The following TRAPPC3 variants were observed in gnomAD, a reference collection of about 807,000 sequenced individuals.
The protein encoded by TRAPPC3 is trafficking protein particle complex 3.
TRAPPC3 carries 5 observed loss-of-function variants against 18.2 expected under a neutral mutation model. The ratio of observed to expected loss-of-function variants is 0.28; its 90% CI spans 0.14 to 0.58. The LOEUF (loss-of-function observed/expected upper bound fraction) is 0.58, where lower values mean the gene tolerates loss of function less well. Among genes scored for constraint, TRAPPC3 ranks in the 20% least tolerant of loss-of-function variants. The pLI is 0.91. For missense variants in TRAPPC3, 176 were observed against 225.9 expected, an observed-to-expected ratio of 0.78 and a Z score of 1.41; for synonymous variants, 65 against 84.2, an observed-to-expected ratio of 0.77 and a Z score of 1.25.
At chr1:36,145,037 T>G (rs1162384203) in intron 1 of TRAPPC3, among the ~76,000 whole-genome samples, 1 of 152,070 alleles carries the variant, frequency 6.6e-6, no homozygotes, top group Admixed American at 6.6e-5. Context: ...TTCTTTTTTT[T>G]TTGAGACGGA....
intron 1 of TRAPPC3, among the ~76,000 whole-genome samples, chr1:36,155,269 C>A (rs1644308113): frequency 6.6e-6 from 1 of 152,232 alleles, no homozygotes; most frequent in South Asian, 2.1e-4. Context: ...CACTCTGCCC[C>A]GGGCTGGGCC....
chr1:36,138,621 A>G (rs181441450), intron 3 of TRAPPC3, among the ~76,000 whole-genome samples: 2 of 152,314 alleles, frequency 1.3e-5, no homozygotes, highest in Non-Finnish European at 2.9e-5. Flanking sequence ...GTAAACATTT[A>G]CTATATGCAC....
chr1:36,139,038 A>C (rs891450037), intron 3 of TRAPPC3, among the ~76,000 whole-genome samples: 7 of 151,180 alleles, frequency 4.6e-5, no homozygotes, highest in Non-Finnish European at 8.8e-5. Context: ...CTCCATCTCA[A>C]AAAAAAGAAA....
At position 36,140,113 on chromosome 1, in the gene TRAPPC3, C is replaced by T. The variant is rs945591638; in HGVS notation, c.96G>A (p.Lys32=). 1.9e-6 allele frequency: 3 copies of T among 1,605,056 alleles called. No homozygotes were observed. The Admixed American group carries it at 5.3e-5, about 28-fold the overall frequency. ...TYGALVTQLC[K]DYENDEDVNK... is the part of the protein sequence containing the mutation. ...TCACATCTTCATCATTTTCATAGTCCTTACATAGCTGGGTGACCAGGGCAC... is the reference window on the plus strand; with the variant it reads ...TCACATCTTCATCATTTTCATAGTCTTTACATAGCTGGGTGACCAGGGCAC... Residue 32 remains lysine (K), a synonymous_variant, in exon 2 of 5, where the codon AAG becomes AAA. Transcript: ENST00000373166.
intron 1 of TRAPPC3, 81 bp downstream of exon 1, chr1:36,149,256 G>C: frequency 6.3e-7 from 1 of 1,589,352 alleles, no homozygotes; most frequent in Admixed American, 1.8e-5. Flanking sequence ...TTTTCCAAAC[G>C]CACCTCGCGC....
At chr1:36,155,066 A>C (rs1375013387) in intron 1 of TRAPPC3, among the ~76,000 whole-genome samples, 1 of 152,212 alleles carries the variant, frequency 6.6e-6, no homozygotes, top group Non-Finnish European at 1.5e-5. Context: ...ACTGGAGGGA[A>C]GGGGGGCAAG....
chr1:36,138,898 T>C (rs913838031), intron 3 of TRAPPC3, among the ~76,000 whole-genome samples: 8 of 151,574 alleles, frequency 5.3e-5, no homozygotes, highest in Admixed American at 2.6e-4. Flanking sequence ...TAGCCGGGCA[T>C]GGTGGTGCAT....
At chr1:36,144,501 C>T (rs184022434) in intron 1 of TRAPPC3, among the ~76,000 whole-genome samples, 2 of 151,798 alleles carry the variant, frequency 1.3e-5, no homozygotes, top group African/African-American at 4.8e-5. Flanking sequence ...AAAAATAGAA[C>T]AAATTAGCTG....
chr1:36,153,564 A>G (rs572388958), upstream of TRAPPC3, among the ~76,000 whole-genome samples: 12 of 152,334 alleles, frequency 7.9e-5, no homozygotes, highest in African/African-American at 2.6e-4. Context: ...CCTCAACCTT[A>G]GCACTACTGA....
chr1:36,149,287 T>C (rs774211900), intron 1 of TRAPPC3, 50 bp downstream of exon 1: 9 of 1,612,082 alleles, frequency 5.6e-6, no homozygotes, highest in Middle Eastern at 1.6e-4. Context: ...GCCCCTTCCC[T>C]GTACGCCTCA....
intron 1 of TRAPPC3, among the ~76,000 whole-genome samples, chr1:36,143,395 G>A (rs2124156317): frequency 6.6e-6 from 1 of 152,318 alleles, no homozygotes; most frequent in South Asian, 2.1e-4. Flanking sequence ...GTACAAGTAT[G>A]CCTGGTGTGT....
intron 1 of TRAPPC3, among the ~76,000 whole-genome samples, chr1:36,141,474 A>G (rs1424882016): frequency 3.3e-5 from 5 of 152,186 alleles, no homozygotes; most frequent in South Asian, 2.1e-4. Context: ...TGAGGACCCA[A>G]TGCTCCTCAC....
chr1:36,150,677 C>T (rs1024143026), upstream of TRAPPC3, among the ~76,000 whole-genome samples: 3 of 152,214 alleles, frequency 2.0e-5, no homozygotes, highest in African/African-American at 7.2e-5. Context: ...TTATTATACC[C>T]TTTTCCCCAG....
In TRAPPC3 at chr1:36,144,573, G is replaced by A. The variant is rs1029627833; in HGVS notation, c.43-4407C>T. On this transcript the variant is annotated intron_variant, in intron 1 of 4. Transcript: ENST00000373166. ...GGAGGCTAAGGTGAGAGGATGGCTC[G>A]AGCCTGAGAAGTCAAGGCTGCAGTG... Among the ~76,000 whole-genome samples the A allele has an allele frequency of 6.6e-5, 10 of 152,252 alleles. No individual in the cohort carries two copies. In the East Asian group the frequency reaches 1.5e-3, roughly 24 times the overall value.
At chr1:36,144,131 T>C (rs1410738852) in intron 1 of TRAPPC3, among the ~76,000 whole-genome samples, 1 of 151,294 alleles carries the variant, frequency 6.6e-6, no homozygotes, top group Non-Finnish European at 1.5e-5. Flanking sequence ...CTACTAAAAA[T>C]ACAAAAATTA....
At chr1:36,151,907 G>A (rs1346522645), upstream of TRAPPC3, among the ~76,000 whole-genome samples, 1 of 152,162 alleles carries the variant, frequency 6.6e-6, no homozygotes, top group Non-Finnish European at 1.5e-5. Context: ...GGACAGGGAG[G>A]GGCAGCTGGC....
intron 1 of TRAPPC3, among the ~76,000 whole-genome samples, chr1:36,146,361 A>G (rs1644199690): frequency 6.7e-6 from 1 of 149,296 alleles, no homozygotes; most frequent in African/African-American, 2.5e-5. Flanking sequence ...CAGTGGTGCA[A>G]TCTCAGCTCA....
At chr1:36,146,719 T>A (rs911719359) in intron 1 of TRAPPC3, among the ~76,000 whole-genome samples, 3 of 152,072 alleles carry the variant, frequency 2.0e-5, no homozygotes, top group Non-Finnish European at 4.4e-5. Flanking sequence ...TACACCTCTG[T>A]ATGGCAAACA....
intron 1 of TRAPPC3, chr1:36,140,407 T>TC (rs1196153212): frequency 1.7e-5 from 6 of 360,340 alleles, no homozygotes; most frequent in Non-Finnish European, 3.0e-5. Flanking sequence ...CAATCACTCT[T>TC]CCAACACACC....
Sources: allele counts gnomAD v4.1 joint callset (sites outside exome capture counted in the v4.1 genomes callset), GRCh38; gene constraint gnomAD v4.1.1; transcripts MANE v1.5; gene names NCBI Gene and HGNC (gene_info 2026-07-23, HGNC 2026-07-21).